LINGO2: variants seen among roughly 807,000 people sequenced by gnomAD.
LINGO2 encodes leucine-rich repeat and immunoglobulin-like domain-containing nogo receptor-interacting protein 2.
A neutral mutation model predicts 30.6 loss-of-function variants in LINGO2; 14 were observed. The ratio of observed to expected loss-of-function variants is 0.46; its 90% CI spans 0.30 to 0.72. The LOEUF (loss-of-function observed/expected upper bound fraction) is 0.72. Among genes scored for constraint, LINGO2 ranks in the 30% least tolerant of loss-of-function variants. LINGO2 has a pLI of 0.07. For synonymous variants in LINGO2, 317 were observed against 288.5 expected, an observed-to-expected ratio of 1.10 and a Z score of -1.00; for missense variants, 729 against 751.7, an observed-to-expected ratio of 0.97 and a Z score of 0.35.
intron 2 of LINGO2, among the ~76,000 whole-genome samples, chr9:28,379,595 G>A (rs932210876): frequency 2.0e-5 from 3 of 152,130 alleles, no homozygotes; most frequent in African/African-American, 7.2e-5. Context: ...GTGCAGAGCA[G>A]AAGTATGACT....
chr9:28,466,630 C>G (rs775413981), intron 2 of LINGO2, among the ~76,000 whole-genome samples: 9 of 152,048 alleles, frequency 5.9e-5, no homozygotes, highest in Non-Finnish European at 1.3e-4. Flanking sequence ...AGGATAGATG[C>G]TTGAGGTGAT....
At chr9:28,654,810 T>A (rs947783521) in intron 1 of LINGO2, among the ~76,000 whole-genome samples, 12 of 152,122 alleles carry the variant, frequency 7.9e-5, no homozygotes, top group Admixed American at 4.6e-4. Flanking sequence ...AATAACAGCA[T>A]CCAATTCATA....
the LINGO2 span, among the ~76,000 whole-genome samples, chr9:29,212,703 G>T: frequency 1.3e-5 from 2 of 152,152 alleles, no homozygotes; most frequent in Admixed American, 1.3e-4. Flanking sequence ...TTTTCCAATA[G>T]GTTTCAGAAA....
chr9:29,166,000 G>A, the LINGO2 span, among the ~76,000 whole-genome samples: 1 of 152,020 alleles, frequency 6.6e-6, no homozygotes, highest in Admixed American at 6.6e-5. Context: ...GTCTGTGTGT[G>A]TACATATGTA....
chr9:28,575,786 A>G (rs552663635), intron 1 of LINGO2, among the ~76,000 whole-genome samples: 15 of 152,304 alleles, frequency 9.8e-5, no homozygotes, highest in African/African-American at 3.6e-4. Flanking sequence ...TTTTAGAATT[A>G]TCTTCTGTAC....
exon 6 of LINGO2, chr9:27,948,481 T>C (rs1399761437): frequency 1.1e-5 from 2 of 182,130 alleles, no homozygotes; most frequent in Non-Finnish European, 2.3e-5. Context: ...TGTGTCTTTT[T>C]AATATGTAAA....
At chr9:29,023,964 TC>T in the LINGO2 span, among the ~76,000 whole-genome samples, 5 of 152,144 alleles carry the variant, frequency 3.3e-5, no homozygotes, top group Admixed American at 3.3e-4. Context: ...CTTCATGTGT[TC>T]AGAGAAATAC....
chr9:28,245,219 A>G (rs746090603), intron 4 of LINGO2, among the ~76,000 whole-genome samples: 24 of 152,322 alleles, frequency 1.6e-4, no homozygotes, highest in Non-Finnish European at 2.6e-4. Context: ...TGATCGTCTC[A>G]ATAAACGCAG....
At chr9:29,208,946 A>C in the LINGO2 span, among the ~76,000 whole-genome samples, 122 of 152,280 alleles carry the variant, frequency 8.0e-4, no homozygotes, top group African/African-American at 2.6e-3. Flanking sequence ...TTAAGAATAG[A>C]TACAGCAACT....
chr9:28,561,567 T>TATATAATATAATGTATTTAG (rs59876696), intron 1 of LINGO2, among the ~76,000 whole-genome samples: 15,417 of 136,710 alleles, frequency 0.11, 2,126 homozygotes, highest in African/African-American at 0.3. Context: ...AATAGATTTA[T>TATATAATATAATGTATTTAG]ATATAATATA....
At chr9:28,457,847 CTAT>C (rs1288048565) in intron 2 of LINGO2, among the ~76,000 whole-genome samples, 1 of 152,132 alleles carries the variant, frequency 6.6e-6, no homozygotes, top group Non-Finnish European at 1.5e-5. Flanking sequence ...CCTGTCATTG[CTAT>C]TTTCTTTTCC....
At chr9:28,746,887 G>A in the LINGO2 span, among the ~76,000 whole-genome samples, 2 of 151,854 alleles carry the variant, frequency 1.3e-5, no homozygotes, top group Non-Finnish European at 2.9e-5. Context: ...ACGCCTTTGT[G>A]AAATGAAAAA....
At chr9:29,171,124 CCTT>C in the LINGO2 span, among the ~76,000 whole-genome samples, 1 of 152,078 alleles carries the variant, frequency 6.6e-6, no homozygotes, top group Non-Finnish European at 1.5e-5. Flanking sequence ...TTGTCCCTCT[CCTT>C]TTTTTGAATA....
the LINGO2 span, among the ~76,000 whole-genome samples, chr9:28,967,996 C>T: frequency 6.6e-6 from 1 of 152,134 alleles, no homozygotes; most frequent in Non-Finnish European, 1.5e-5. Context: ...TTAATGAAGT[C>T]TTGCACACCA....
intron 4 of LINGO2, among the ~76,000 whole-genome samples, chr9:28,124,896 A>C (rs962435275): frequency 1.3e-5 from 2 of 152,248 alleles, no homozygotes; most frequent in Non-Finnish European, 2.9e-5. Flanking sequence ...GTAATAATAT[A>C]AGGGAAGACT....
rs544356602 is a variant in LINGO2 at position 28,578,427 on chromosome 9, C to T, written c.-365+91773G>A. Among the ~76,000 whole-genome samples the T allele has an allele frequency of 1.2e-4, 19 of 152,096 alleles. No individual in the cohort carries two copies. The East Asian group carries it at 3.1e-3, about 25-fold the overall frequency. On this transcript the variant is annotated intron_variant, in intron 1 of 5. Coordinates refer to ENST00000379992, the Ensembl canonical transcript of LINGO2. ...GTAGATTTTTAAATTTCAGACTATG[C>T]GCATTGTGCAATAGCTTCATAAAGA...
chr9:28,824,751 A>T, the LINGO2 span, among the ~76,000 whole-genome samples: 1 of 152,290 alleles, frequency 6.6e-6, no homozygotes, highest in Non-Finnish European at 1.5e-5. Context: ...TCTCATCACA[A>T]GACCCAGTAT....
At chr9:28,475,121 A>C (rs1825679671) in intron 2 of LINGO2, among the ~76,000 whole-genome samples, 1 of 152,150 alleles carries the variant, frequency 6.6e-6, no homozygotes, top group Non-Finnish European at 1.5e-5. Context: ...ATTTATCTGT[A>C]AAAATATGAA....
the LINGO2 span, among the ~76,000 whole-genome samples, chr9:28,701,815 C>A: frequency 6.6e-6 from 1 of 151,890 alleles, no homozygotes; most frequent in South Asian, 2.1e-4. Context: ...TTTCTTTAAT[C>A]AGTTTAATAG....
Sources: gnomAD v4.1 joint callset for allele counts (sites outside exome capture counted in the v4.1 genomes callset) on GRCh38, gnomAD v4.1.1 for gene constraint, MANE v1.5 for transcripts, NCBI Gene and HGNC (gene_info 2026-07-23, HGNC 2026-07-21) for gene names.